Variants in PRDM1 observed in about 807,000 individuals in gnomAD.
PRDM1 encodes PR domain zinc finger protein 1.
In PRDM1, 13 loss-of-function variants were observed where a neutral mutation model predicts 62.8. The observed-to-expected ratio is 0.21, with a 90% confidence interval of 0.13 to 0.33. PRDM1 has a LOEUF of 0.33. PRDM1 is among the 10% of genes least tolerant of loss of function. The probability of loss-of-function intolerance (pLI) is 1.00; values close to 1 mark genes in which losing one functional copy is unlikely to be tolerated. For synonymous variants in PRDM1, 396 were observed against 417.6 expected, an observed-to-expected ratio of 0.95 and a Z score of 0.63; for missense variants, 895 against 1,058.8, an observed-to-expected ratio of 0.85 and a Z score of 2.15.
At chr6:106,066,699 T>C (rs1254713240) in intron 1 of PRDM1, among the ~76,000 whole-genome samples, 1 of 152,212 alleles carries the variant, frequency 6.6e-6, no homozygotes, top group Non-Finnish European at 1.5e-5. Context: ...TTCTACCACC[T>C]GGTTCTAATT....
rs1774530312 is a variant in PRDM1 at position 106,107,479 on chromosome 6, A to C, written c.2471A>C (p.Asp824Ala). ...KVKQETVEPM[D>A]P The stretch of plus-strand genomic sequence containing the variant: ...AAACAAGAAACAGTTGAACCAATGG[A>C]TCCTTAAGATTTTCAGAAAACACTT... The change falls in exon 7 of 7, where the codon GAT becomes GCT. Residue 824 changes from aspartate to alanine, a missense_variant. This residue lies in a region of PRDM1 where 164 missense variants were observed against 179.9 expected (regional missense o/e 0.91). Coordinates refer to ENST00000369096, the MANE Select transcript of PRDM1 (RefSeq NM_001198.4). 1.3e-6 allele frequency: 2 copies of C among 1,588,248 alleles called. No individual in the cohort carries two copies. Among genetic ancestry groups the C allele is most frequent in the African/African-American group, 2.7e-5 (2 of 73,282 alleles).
upstream of PRDM1, among the ~76,000 whole-genome samples, chr6:106,083,220 G>A (rs1294755256): frequency 1.3e-5 from 1 of 77,360 alleles, no homozygotes; most frequent in Non-Finnish European, 2.9e-5. Context: ...TGTGGGGGGT[G>A]AGGGTGGGTG....
chr6:106,028,925 T>A (rs1772802169), intron 1 of PRDM1, among the ~76,000 whole-genome samples: 1 of 147,848 alleles, frequency 6.8e-6, no homozygotes, highest in Non-Finnish European at 1.5e-5. Context: ...CTTCTTTTTT[T>A]TTTTTTTTTT....
At chr6:106,068,687 C>A (rs1043408926) in intron 1 of PRDM1, among the ~76,000 whole-genome samples, 4 of 152,190 alleles carry the variant, frequency 2.6e-5, no homozygotes, top group Non-Finnish European at 4.4e-5. Context: ...CTTGCCTGAA[C>A]ACACAGTGCA....
At chr6:106,037,906 G>C (rs1050230962) in intron 1 of PRDM1, among the ~76,000 whole-genome samples, 22 of 146,244 alleles carry the variant, frequency 1.5e-4, no homozygotes, top group Admixed American at 5.5e-4. Context: ...ACAGTTTCCT[G>C]TTTCTTTATG....
At chr6:106,058,256 T>G (rs1433885538) in intron 1 of PRDM1, among the ~76,000 whole-genome samples, 2 of 152,180 alleles carry the variant, frequency 1.3e-5, no homozygotes, top group Admixed American at 6.5e-5. Flanking sequence ...TCCAGCCAAG[T>G]TGGGTTCTGG....
chr6:106,043,605 C>T (rs1732974987), upstream of PRDM1, among the ~76,000 whole-genome samples: 4 of 152,224 alleles, frequency 2.6e-5, no homozygotes, highest in South Asian at 4.1e-4. Flanking sequence ...ACGATCTTGG[C>T]TCCCCGCAAC....
chr6:106,094,868 A>G (rs1774051942), intron 2 of PRDM1, among the ~76,000 whole-genome samples: 1 of 151,960 alleles, frequency 6.6e-6, no homozygotes, highest in Non-Finnish European at 1.5e-5. Context: ...AAGCCACTGC[A>G]TTCCAGCCTG....
intron 1 of PRDM1, among the ~76,000 whole-genome samples, chr6:106,069,861 G>T (rs918165509): frequency 1.3e-5 from 2 of 152,170 alleles, no homozygotes; most frequent in South Asian, 4.1e-4. Flanking sequence ...CACCCTGTGT[G>T]TGCATTTTTC....
chr6:106,109,782 T>G lies in PRDM1; in HGVS notation c.*2296T>G, dbSNP rs776900653. ...AGCCCACAATCAACAGTGGTTTTATTTTTTCCTCTACTCAAAGTTAAAACT... is the reference window on the plus strand; with the variant it reads ...AGCCCACAATCAACAGTGGTTTTATGTTTTCCTCTACTCAAAGTTAAAACT... On this transcript the variant is annotated 3_prime_UTR_variant, in exon 7 of 7. Transcript: ENST00000369096. The G allele has an allele frequency of 2.1e-5, 5 of 233,138 alleles. No homozygotes were observed. In the Admixed American group the frequency reaches 2.8e-4, roughly 13 times the overall value. The allele number at this position is 233,138 out of a possible 1,614,324, so 14.4% of individuals were successfully genotyped here. A position where few individuals can be genotyped will look rare whatever the true frequency, so the allele number is the denominator to read the frequency against.
upstream of PRDM1, among the ~76,000 whole-genome samples, chr6:106,047,886 C>T (rs1773106203): frequency 6.6e-6 from 1 of 152,160 alleles, no homozygotes; most frequent in Non-Finnish European, 1.5e-5. Context: ...GATCTAAACA[C>T]CTGGGACATT....
upstream of PRDM1, among the ~76,000 whole-genome samples, chr6:106,044,384 A>G (rs1773044418): frequency 6.6e-6 from 1 of 152,046 alleles, no homozygotes; most frequent in Non-Finnish European, 1.5e-5. Context: ...CAGTTGGTTT[A>G]TTTTGTTGTT....
At chr6:106,066,811 T>C (rs1164550939) in intron 1 of PRDM1, among the ~76,000 whole-genome samples, 1 of 152,354 alleles carries the variant, frequency 6.6e-6, no homozygotes, top group East Asian at 1.9e-4. Flanking sequence ...ATGTCAGTTA[T>C]GGATCCGAGT....
chr6:106,091,778 T>C (rs1409807308), intron 2 of PRDM1, among the ~76,000 whole-genome samples: 1 of 151,456 alleles, frequency 6.6e-6, no homozygotes, highest in African/African-American at 2.4e-5. Context: ...TGTTTCAAAA[T>C]AAATAAGTAA....
intron 1 of PRDM1, among the ~76,000 whole-genome samples, chr6:106,014,790 C>G (rs1438295507): frequency 6.6e-6 from 1 of 151,890 alleles, no homozygotes; most frequent in African/African-American, 2.4e-5. Context: ...CAGCTGTTGG[C>G]CTTCTGGTGA....
In PRDM1 at chr6:106,105,272, G is replaced by T; in HGVS notation, c.1112G>T (p.Arg371Leu). 2 of 1,613,742 alleles carry T rather than the reference G, an allele frequency of 1.2e-6. No individual in the cohort carries two copies. The highest frequency in any genetic ancestry group is 8.5e-7 in the Non-Finnish European group (1 of 1,179,964). ...GTGGGCCCCGGCTCTCAAGAGCACC[G>T]GGACTCCTACGCTTACTTGAACGCG... ...SPVGPGSQEH[R>L]DSYAYLNASY... is the part of the protein sequence containing the mutation. Residue 371 changes from arginine to leucine, a missense_variant, in exon 5 of 7, where the codon CGG becomes CTG. Around this residue, in one of 4 missense-constraint regions of PRDM1, gnomAD observed 444 missense variants for 422.7 expected, o/e 1.05. Transcript: ENST00000369096.
intron 1 of PRDM1, among the ~76,000 whole-genome samples, chr6:106,049,239 C>T (rs1321251443): frequency 2.6e-5 from 4 of 152,306 alleles, no homozygotes; most frequent in South Asian, 4.1e-4. Flanking sequence ...CTACTTGCAG[C>T]TCCCAAAGCC....
In PRDM1 at chr6:106,108,630, A is replaced by T. The variant is rs965605546; in HGVS notation, c.*1144A>T. On this transcript the variant is annotated 3_prime_UTR_variant, in exon 7 of 7. Transcript: ENST00000369096. ...CCACACTTTAAAAACAAACACACAAACAACAAAAAACGGGTATTCTAGTCA... is the reference window on the plus strand; with the variant it reads ...CCACACTTTAAAAACAAACACACAATCAACAAAAAACGGGTATTCTAGTCA... 2 of 232,454 alleles carry T rather than the reference A, an allele frequency of 8.6e-6. No individual in the cohort carries two copies. The highest frequency in any genetic ancestry group is 1.2e-4 in the East Asian group (2 of 16,684). The allele number at this position is 232,454 out of a possible 1,614,324, so 14.4% of individuals were successfully genotyped here.
At chr6:106,060,806 G>T (rs1406093283) in intron 1 of PRDM1, among the ~76,000 whole-genome samples, 2 of 151,984 alleles carry the variant, frequency 1.3e-5, no homozygotes, top group African/African-American at 4.8e-5. Context: ...GGAGTGGGTG[G>T]CTGGGATGGG....
Sources: gnomAD v4.1 joint callset for allele counts (sites outside exome capture counted in the v4.1 genomes callset) on GRCh38, gnomAD v4.1.1 for gene constraint, gnomAD v4.1.1 regional missense constraint, MANE v1.5 for transcripts, NCBI Gene and HGNC (gene_info 2026-07-23, HGNC 2026-07-21) for gene names.